The following RBFOX1 variants were observed in gnomAD, a reference collection of about 807,000 sequenced individuals.
RBFOX1 encodes RNA binding fox-1 homolog 1.
Under a neutral mutation model 57.7 loss-of-function variants are expected in RBFOX1, and 8 were observed. The observed-to-expected ratio is 0.14, with a 90% CI of 0.08 to 0.25. RBFOX1 has a LOEUF of 0.25. Ranked by LOEUF, RBFOX1 falls within the 10% of genes least tolerant of loss-of-function variation. RBFOX1 has a pLI of 1.00. For missense variants in RBFOX1, 611 were observed against 548.5 expected, an observed-to-expected ratio of 1.11 and a Z score of -1.14; for synonymous variants, 326 against 222.4, an observed-to-expected ratio of 1.47 and a Z score of -4.15.
rs949095102 is a variant in RBFOX1, at chr16:7,216,190, T to G, written c.27+164092T>G. On this transcript the variant is annotated intron_variant, in intron 4 of 15. Coordinates refer to ENST00000550418, the MANE Select transcript of RBFOX1 (RefSeq NM_018723.4). ...ATTTACCTCTTTACTAGTTGGTAGA[T>G]AATTGGGTTGTTTCCACTTATTGGC... 8.5e-5 allele frequency among the ~76,000 whole-genome samples: 13 copies of G among 152,336 alleles called. No individual in the cohort carries two copies. The East Asian group carries it at 2.3e-3, about 27-fold the overall frequency.
chr16:6,787,300 T>C (rs1002342974), intron 3 of RBFOX1, among the ~76,000 whole-genome samples: 1 of 152,190 alleles, frequency 6.6e-6, no homozygotes, highest in Non-Finnish European at 1.5e-5. Flanking sequence ...AAAAGCCAGG[T>C]TGGTCCTGCC....
chr16:7,203,182 A>G (rs1415553633), intron 4 of RBFOX1, among the ~76,000 whole-genome samples: 2 of 152,220 alleles, frequency 1.3e-5, no homozygotes, highest in African/African-American at 2.4e-5. Flanking sequence ...TGTGATACTC[A>G]CACACGCACA....
intron 3 of RBFOX1, among the ~76,000 whole-genome samples, chr16:6,712,444 C>T (rs896086573): frequency 1.3e-5 from 2 of 152,046 alleles, no homozygotes; most frequent in Non-Finnish European, 2.9e-5. Flanking sequence ...TACTGTGTAC[C>T]ATCCTAACCT....
rs534415641 is a variant in RBFOX1 at position 7,330,957 on chromosome 16, C to T, written c.28-187190C>T. ...CAAAAGCTAAAGTTAGAAACAGTAT[C>T]GGGCTGTTGAGTAAGAGGGGTCAGT... On this transcript the variant is annotated intron_variant, in intron 4 of 15. Coordinates refer to ENST00000550418, the MANE Select transcript of RBFOX1 (RefSeq NM_018723.4). Among the ~76,000 whole-genome samples, 9 of 152,186 alleles carry T rather than the reference C, an allele frequency of 5.9e-5. No individual in the cohort carries two copies. In the South Asian group the frequency reaches 1.0e-3, roughly 18 times the overall value.
At chr16:5,966,941 G>T (rs1270297480) in intron 4 of RBFOX1, among the ~76,000 whole-genome samples, 6 of 122,962 alleles carry the variant, frequency 4.9e-5, no homozygotes, top group Admixed American at 4.2e-4. Flanking sequence ...ATTTTCTCCA[G>T]TCTAACACTG....
intron 3 of RBFOX1, among the ~76,000 whole-genome samples, chr16:7,032,283 A>G (rs2043002531): frequency 6.6e-6 from 1 of 151,904 alleles, no homozygotes; most frequent in Non-Finnish European, 1.5e-5. Context: ...AAACAAAAAC[A>G]AAACAAAAAA....
At chr16:5,846,210 T>C (rs996178839) in intron 3 of RBFOX1, among the ~76,000 whole-genome samples, 1 of 150,710 alleles carries the variant, frequency 6.6e-6, no homozygotes, top group African/African-American at 2.4e-5. Flanking sequence ...ATTTAGTGAA[T>C]TTAGTAAGAA....
intron 4 of RBFOX1, among the ~76,000 whole-genome samples, chr16:7,073,905 A>T (rs1415185770): frequency 6.8e-6 from 1 of 146,606 alleles, no homozygotes. Context: ...AAGAAAAAAA[A>T]ATTGACTGAC....
chr16:7,369,349 C>T (rs1194160396), intron 4 of RBFOX1, among the ~76,000 whole-genome samples: 2 of 152,108 alleles, frequency 1.3e-5, no homozygotes, highest in Admixed American at 1.3e-4. Context: ...AGTGGAGGCC[C>T]TAGCAAGAAG....
chr16:7,124,606 C>T (rs2068019993), intron 4 of RBFOX1, among the ~76,000 whole-genome samples: 1 of 136,622 alleles, frequency 7.3e-6, no homozygotes, highest in Non-Finnish European at 1.5e-5. Flanking sequence ...TGAGTTTTCT[C>T]ATAATGTCTT....
At chr16:7,544,427 T>C (rs968113052) in intron 5 of RBFOX1, among the ~76,000 whole-genome samples, 2 of 152,190 alleles carry the variant, frequency 1.3e-5, no homozygotes, top group African/African-American at 4.8e-5. Flanking sequence ...GTAGATATAA[T>C]TAAATTAGAT....
At chr16:7,099,763 C>G (rs770965638) in intron 4 of RBFOX1, among the ~76,000 whole-genome samples, 100 of 152,124 alleles carry the variant, frequency 6.6e-4, no homozygotes, top group South Asian at 2.3e-3. Context: ...TAGATTTACA[C>G]ATATTCTGAT....
intron 3 of RBFOX1, among the ~76,000 whole-genome samples, chr16:6,691,627 G>A (rs2060222132): frequency 6.6e-6 from 1 of 152,146 alleles, no homozygotes; most frequent in Non-Finnish European, 1.5e-5. Flanking sequence ...CACTGTTTAA[G>A]ATGACCTTGG....
intron 4 of RBFOX1, among the ~76,000 whole-genome samples, chr16:7,359,748 G>T (rs1203477978): frequency 6.6e-6 from 1 of 152,158 alleles, no homozygotes; most frequent in Non-Finnish European, 1.5e-5. Context: ...ACTTTGGGAG[G>T]CTGAGGTGGG....
At chr16:5,507,191 C>G (rs1016406231) in intron 2 of RBFOX1, among the ~76,000 whole-genome samples, 22 of 152,068 alleles carry the variant, frequency 1.4e-4, no homozygotes, top group African/African-American at 5.1e-4. Context: ...TAGAATGATG[C>G]CTGGCACCGA....
intron 4 of RBFOX1, among the ~76,000 whole-genome samples, chr16:7,183,090 A>G (rs1041268984): frequency 1.3e-5 from 2 of 152,116 alleles, no homozygotes; most frequent in African/African-American, 4.8e-5. Context: ...CCTAACTGCC[A>G]ATTTCCTAGG....
intron 14 of RBFOX1, among the ~76,000 whole-genome samples, chr16:7,683,558 C>T (rs2075388311): frequency 6.6e-6 from 1 of 152,064 alleles, no homozygotes; most frequent in Non-Finnish European, 1.5e-5. Context: ...GCCCAACAGA[C>T]CGTAGCTGTC....
chr16:6,870,417 C>A (rs962047125), intron 3 of RBFOX1, among the ~76,000 whole-genome samples: 2 of 152,198 alleles, frequency 1.3e-5, no homozygotes, highest in Admixed American at 6.5e-5. Flanking sequence ...AGTCTTACCT[C>A]ACTTCTGATA....
intron 2 of RBFOX1, among the ~76,000 whole-genome samples, chr16:6,451,147 C>T (rs2094613192): frequency 6.6e-6 from 1 of 151,594 alleles, no homozygotes; most frequent in Non-Finnish European, 1.5e-5. Context: ...TCTTTTGATC[C>T]AGTGCATGCT....
Sources: gnomAD v4.1 joint callset for allele counts (sites outside exome capture counted in the v4.1 genomes callset) on GRCh38, gnomAD v4.1.1 for gene constraint, MANE v1.5 for transcripts, NCBI Gene and HGNC (gene_info 2026-07-23, HGNC 2026-07-21) for gene names.